TPST2: variants seen among roughly 807,000 people sequenced by gnomAD.
TPST2 encodes tyrosylprotein sulfotransferase 2.
TPST2 carries 16 observed loss-of-function variants against 27.8 expected under a neutral mutation model. The observed-to-expected ratio is 0.58, with a 90% CI of 0.39 to 0.88. The LOEUF is 0.88. TPST2 is among the 40% of genes least tolerant of loss of function. The pLI is 0.00. For synonymous variants in TPST2, 229 were observed against 231.7 expected (o/e 0.99, Z 0.10); for missense variants, 464 against 543.1 (o/e 0.85, Z 1.45).
At chr22:26,584,018 T>C (rs1210765063) in intron 1 of TPST2, among the ~76,000 whole-genome samples, 1 of 152,208 alleles carries the variant, frequency 6.6e-6, no homozygotes, top group African/African-American at 2.4e-5. Context: ...CCACTCCAGT[T>C]TGGCCTAAGC....
intron 1 of TPST2, among the ~76,000 whole-genome samples, chr22:26,564,116 T>G (rs1927262173): frequency 1.3e-5 from 2 of 152,190 alleles, no homozygotes; most frequent in Admixed American, 1.3e-4. Flanking sequence ...TTTCCAACTA[T>G]GGAGACTGAG....
chr22:26,552,022 T>C (rs1053878420), intron 1 of TPST2, among the ~76,000 whole-genome samples: 15 of 151,124 alleles, frequency 9.9e-5, no homozygotes, highest in Non-Finnish European at 2.1e-4. Flanking sequence ...CCCAAGTAGC[T>C]AGTGCACCAC....
chr22:26,540,913 G>A lies in TPST2; in HGVS notation c.718C>T (p.Gln240Ter). The change falls in exon 3 of 7, where the codon CAG becomes TAG. Residue 240 changes from glutamine (Q) to a stop codon, truncating the protein, a stop_gained. Coordinates refer to ENST00000338754, the MANE Select transcript of TPST2 (RefSeq NM_003595.5). LOFTEE classifies it high-confidence loss of function. ...GAGCGCCTGGGGTGCAGCACCAGCT[G>A]CTCGTAGTACACAGGCAGGCACTTC... ...KEKCLPVYYE[Q>*]LVLHPRRSLK... 6.2e-7 allele frequency: 1 copy of A among 1,614,214 alleles called. No individual in the cohort carries two copies. The highest frequency in any genetic ancestry group is 8.5e-7 in the Non-Finnish European group (1 of 1,180,038).
chr22:26,550,828 G>C (rs534991384), intron 1 of TPST2, among the ~76,000 whole-genome samples: 3 of 152,200 alleles, frequency 2.0e-5, no homozygotes, highest in African/African-American at 4.8e-5. Flanking sequence ...GACCTATTGC[G>C]GGGGGAAGCC....
intron 3 of TPST2, among the ~76,000 whole-genome samples, chr22:26,538,542 T>C (rs2147184972): frequency 6.6e-6 from 1 of 152,284 alleles, no homozygotes; most frequent in South Asian, 2.1e-4. Flanking sequence ...ATGCTGCAGG[T>C]CAGGCGCGGT....
chr22:26,555,479 C>T (rs1215549660), intron 1 of TPST2, among the ~76,000 whole-genome samples: 2 of 152,210 alleles, frequency 1.3e-5, no homozygotes, highest in South Asian at 2.1e-4. Flanking sequence ...CCTGTTATAA[C>T]GTTTAACATT....
chr22:26,549,911 G>GC (rs1926371278), intron 1 of TPST2, among the ~76,000 whole-genome samples: 1 of 147,998 alleles, frequency 6.8e-6, no homozygotes, highest in African/African-American at 2.5e-5. Context: ...GGGGGATCGC[G>GC]CTTGGGAGCT....
At chr22:26,552,831 A>G (rs62224863) in intron 1 of TPST2, among the ~76,000 whole-genome samples, 17,610 of 152,106 alleles carry the variant, frequency 0.12, 1,133 homozygotes, top group African/African-American at 0.14. Flanking sequence ...AGGCCAAGGC[A>G]GGAGGATCAC....
chr22:26,531,848 C>G (rs1196554719), intron 5 of TPST2, among the ~76,000 whole-genome samples: 2 of 152,198 alleles, frequency 1.3e-5, no homozygotes, highest in Non-Finnish European at 2.9e-5. Flanking sequence ...AACCCCCACT[C>G]TGGTTTGATA....
At chr22:26,572,813 T>C (rs1028643449) in intron 1 of TPST2, among the ~76,000 whole-genome samples, 5 of 152,150 alleles carry the variant, frequency 3.3e-5, no homozygotes, top group African/African-American at 1.2e-4. Flanking sequence ...TTTCCTACAC[T>C]TATCACAGAG....
chr22:26,528,071 T>C (rs1045668784), intron 6 of TPST2, 143 bp downstream of exon 6: 32 of 849,680 alleles, frequency 3.8e-5, no homozygotes, highest in Non-Finnish European at 5.9e-5. Flanking sequence ...CATGGAAACC[T>C]CTGATGGGGC....
Position 26,541,475 on chromosome 22 carries a change from C to CAGCT in TPST2, c.152_155dup (p.Val53AlafsTer68), listed in dbSNP as rs1331753611. The CAGCT allele has an allele frequency of 6.2e-7, 1 of 1,610,894 alleles. No homozygotes were observed. Among genetic ancestry groups the CAGCT allele is most frequent in the Non-Finnish European group, 8.5e-7 (1 of 1,178,468 alleles). On this transcript the variant is annotated frameshift_variant, in exon 3 of 7. Transcript: ENST00000338754. LOFTEE classifies it high-confidence loss of function. The surrounding 1 kb of genome is among the most constrained non-coding windows in gnomAD (Gnocchi z 5.9). ...CCACGTGGTTGGTGCCCACCATCAC[C>CAGCT]AGCTCCTCCTGCTCAGGCCGCATGG... is the stretch of plus-strand genomic sequence containing the variant.
intron 1 of TPST2, among the ~76,000 whole-genome samples, chr22:26,588,370 GT>G (rs555760023): frequency 2.0e-5 from 3 of 152,184 alleles, no homozygotes; most frequent in Non-Finnish European, 4.4e-5. Flanking sequence ...TCAGTAAGTG[GT>G]TGCCAAGGGA....
At chr22:26,547,857 G>A (rs561129122) in intron 1 of TPST2, among the ~76,000 whole-genome samples, 1 of 152,294 alleles carries the variant, frequency 6.6e-6, no homozygotes, top group East Asian at 1.9e-4. Flanking sequence ...TGGTACTCGG[G>A]TGGTAGGTGA....
In TPST2 at chr22:26,541,713, T is replaced by C; in HGVS notation, c.-83A>G. On this transcript the variant is annotated 5_prime_UTR_variant, in exon 3 of 7. The change abolishes the stop of an existing upstream ORF in the 5' untranslated region. Coordinates refer to ENST00000338754, the MANE Select transcript of TPST2 (RefSeq NM_003595.5). This position sits in a 1 kb window ranked among gnomAD's most constrained non-coding sequence, Gnocchi z 5.9. ...CAGGTTAGCGGGCAGCCCGCCAGGC[T>C]CACATCTGGGGAGAGAGGGGGACAT... The C allele has an allele frequency of 6.8e-7, 1 of 1,469,150 alleles. No homozygotes were observed. The highest frequency in any genetic ancestry group is 9.0e-7 in the Non-Finnish European group (1 of 1,117,130). 91.0% of individuals were successfully genotyped at this position (1,469,150 alleles called of 1,614,324 possible). A position where few individuals can be genotyped will look rare whatever the true frequency, so the allele number is the denominator to read the frequency against.
intron 6 of TPST2, among the ~76,000 whole-genome samples, chr22:26,527,566 T>G (rs970180965): frequency 3.9e-5 from 6 of 152,194 alleles, no homozygotes; most frequent in Non-Finnish European, 8.8e-5. Flanking sequence ...AGAATATGGA[T>G]GGATAAATGT....
At chr22:26,544,525 G>A in intron 2 of TPST2, 79 bp downstream of exon 2, 4 of 811,424 alleles carry the variant, frequency 4.9e-6, no homozygotes, top group Non-Finnish European at 6.0e-6. Context: ...ATGGAGGCTG[G>A]GGGCATGGAG....
intron 1 of TPST2, among the ~76,000 whole-genome samples, chr22:26,576,788 T>C (rs1927852981): frequency 1.3e-5 from 2 of 150,680 alleles, no homozygotes; most frequent in South Asian, 4.2e-4. Flanking sequence ...CTGGGCAACA[T>C]AGCAAGACCC....
At chr22:26,563,422 G>A (rs1383903411) in intron 1 of TPST2, among the ~76,000 whole-genome samples, 6 of 150,892 alleles carry the variant, frequency 4.0e-5, no homozygotes, top group African/African-American at 7.3e-5. Context: ...TCCGTCTCCC[G>A]GGTTCACACC....
Sources: gnomAD v4.1 joint callset for allele counts (sites outside exome capture counted in the v4.1 genomes callset) on GRCh38, gnomAD v4.1.1 for gene constraint, Gnocchi (gnomAD v3.1) non-coding constraint, MANE v1.5 for transcripts, NCBI Gene and HGNC (gene_info 2026-07-23, HGNC 2026-07-21) for gene names.